Variants in TENM2 observed in about 807,000 individuals in gnomAD.
TENM2 encodes teneurin-2.
In TENM2, 52 loss-of-function variants were observed where a neutral mutation model predicts 245.2. The observed-to-expected ratio is 0.21, with a 90% confidence interval of 0.17 to 0.27. TENM2 has a LOEUF of 0.27. Ranked by LOEUF, TENM2 falls within the 10% of genes least tolerant of loss-of-function variation. TENM2 has a pLI of 1.00. For synonymous variants in TENM2, 1,363 were observed against 1,438.9 expected (o/e 0.95, Z 1.19); for missense variants, 3,046 against 3,666.8 (o/e 0.83, Z 4.37).
chr5:167,089,835 G>C, the TENM2 span, among the ~76,000 whole-genome samples: 1 of 152,244 alleles, frequency 6.6e-6, no homozygotes, highest in East Asian at 1.9e-4. Context: ...GCTTTTCAGA[G>C]TCTAGAGATC....
intron 2 of TENM2, among the ~76,000 whole-genome samples, chr5:167,580,797 T>G (rs1247593054): frequency 2.6e-5 from 4 of 152,212 alleles, no homozygotes; most frequent in African/African-American, 9.6e-5. Flanking sequence ...GAGACCAGCC[T>G]GGCCAACATG....
chr5:167,685,736 T>A (rs1400052915), intron 2 of TENM2, among the ~76,000 whole-genome samples: 2 of 152,206 alleles, frequency 1.3e-5, no homozygotes, highest in Admixed American at 1.3e-4. Context: ...TATGATAGTC[T>A]GTGGTAGGTG....
chr5:167,258,251 A>ATGTG, the TENM2 span, among the ~76,000 whole-genome samples: 1 of 145,872 alleles, frequency 6.9e-6, no homozygotes, highest in African/African-American at 2.6e-5. Flanking sequence ...ATGTATATAT[A>ATGTG]TATATAGTGC....
chr5:167,896,088 C>T (rs2151488961), intron 3 of TENM2, among the ~76,000 whole-genome samples: 1 of 152,332 alleles, frequency 6.6e-6, no homozygotes, highest in African/African-American at 2.4e-5. Context: ...GTCAGGCAGT[C>T]TGATAGATGT....
intron 1 of TENM2, among the ~76,000 whole-genome samples, chr5:167,355,321 A>G (rs765247681): frequency 6.6e-6 from 1 of 152,034 alleles, no homozygotes; most frequent in African/African-American, 2.4e-5. Flanking sequence ...TGTGTTTCTG[A>G]TAATGCTGAT....
At chr5:167,776,161 C>CCACACACACACACACACACACACA (rs66740766) in intron 2 of TENM2, among the ~76,000 whole-genome samples, 9 of 133,110 alleles carry the variant, frequency 6.8e-5, no homozygotes, top group African/African-American at 1.8e-4. Flanking sequence ...AAAAAAAAAT[C>CCACACACACACACACACACACACA]CACACACACA....
the TENM2 span, among the ~76,000 whole-genome samples, chr5:167,041,489 C>T: frequency 6.6e-6 from 1 of 152,132 alleles, no homozygotes; most frequent in Non-Finnish European, 1.5e-5. Flanking sequence ...ACCCTGACCA[C>T]GAAGTGTCCA....
chr5:167,742,988 A>G (rs1761295942), intron 2 of TENM2, among the ~76,000 whole-genome samples: 1 of 123,528 alleles, frequency 8.1e-6, no homozygotes, highest in African/African-American at 3.3e-5. Context: ...AACAACAACA[A>G]CAACAACAAC....
At chr5:167,405,102 A>C (rs1762561011) in intron 2 of TENM2, among the ~76,000 whole-genome samples, 1 of 152,192 alleles carries the variant, frequency 6.6e-6, no homozygotes. Flanking sequence ...TCCGTGCCAC[A>C]GAATGTGTCA....
the TENM2 span, among the ~76,000 whole-genome samples, chr5:167,037,990 G>T: frequency 6.6e-6 from 1 of 152,326 alleles, no homozygotes; most frequent in Middle Eastern, 3.4e-3. Flanking sequence ...GAAACGATGT[G>T]CTTTCTCTGC....
chr5:167,473,955 T>C (rs1436056907), intron 2 of TENM2, among the ~76,000 whole-genome samples: 1 of 152,148 alleles, frequency 6.6e-6, no homozygotes, highest in Non-Finnish European at 1.5e-5. Context: ...ATTAGCATGC[T>C]TACTGTAAGC....
intron 27 of TENM2, among the ~76,000 whole-genome samples, chr5:168,256,370 C>T (rs757818562): frequency 1.3e-5 from 2 of 151,798 alleles, no homozygotes; most frequent in Non-Finnish European, 2.9e-5. Flanking sequence ...AGATTAAAGC[C>T]AGGCTTCTCT....
the TENM2 span, among the ~76,000 whole-genome samples, chr5:167,092,229 G>A: frequency 6.6e-6 from 1 of 152,060 alleles, no homozygotes; most frequent in African/African-American, 2.4e-5. Flanking sequence ...AAATTAAAAT[G>A]TTACTGTCCA....
At chr5:167,384,272 C>T (rs1158491865) in intron 2 of TENM2, among the ~76,000 whole-genome samples, 4 of 152,090 alleles carry the variant, frequency 2.6e-5, no homozygotes, top group Non-Finnish European at 5.9e-5. Context: ...TATATGTTAG[C>T]ATACTGGTAC....
chr5:168,250,682 C>A (rs770607791), intron 27 of TENM2, among the ~76,000 whole-genome samples: 5 of 152,158 alleles, frequency 3.3e-5, no homozygotes, highest in Non-Finnish European at 5.9e-5. Flanking sequence ...GCATCTGGGA[C>A]CTTTCGGACC....
At chr5:166,981,576 G>C in the TENM2 span, among the ~76,000 whole-genome samples, 27 of 152,242 alleles carry the variant, frequency 1.8e-4, no homozygotes, top group African/African-American at 6.5e-4. Context: ...CACATGTGTA[G>C]GAAAAGATAA....
intron 25 of TENM2, among the ~76,000 whole-genome samples, chr5:168,243,935 TG>T (rs1231288175): frequency 6.8e-6 from 1 of 148,124 alleles, no homozygotes. Flanking sequence ...TTCTTTTCTT[TG>T]GTTTTTTTTT....
At chr5:167,506,311 A>G (rs1300994883) in intron 2 of TENM2, among the ~76,000 whole-genome samples, 1 of 152,190 alleles carries the variant, frequency 6.6e-6, no homozygotes, top group Non-Finnish European at 1.5e-5. Context: ...AATTTCATGC[A>G]ATTGTACCTA....
rs566966393 is a variant in TENM2, at chr5:167,740,555, G to A, written c.503-135431G>A. Reference sequence around the variant, plus strand: ...AGTGGCTTTATATCATGGCTCAGCCGATCTTTGAGAAATAATGCCAGGCCT... The same window carrying A: ...AGTGGCTTTATATCATGGCTCAGCCAATCTTTGAGAAATAATGCCAGGCCT... On this transcript the variant is annotated intron_variant, in intron 2 of 28. Coordinates refer to ENST00000518659, the Ensembl canonical transcript of TENM2. Among the ~76,000 whole-genome samples the A allele has an allele frequency of 3.3e-4, 50 of 152,094 alleles. No homozygotes were observed. In the Middle Eastern group the frequency reaches 0.01, roughly 31 times the overall value.
Sources: allele counts gnomAD v4.1 joint callset (sites outside exome capture counted in the v4.1 genomes callset), GRCh38; gene constraint gnomAD v4.1.1; transcripts MANE v1.5; gene names NCBI Gene and HGNC (gene_info 2026-07-23, HGNC 2026-07-21).